ATP11C: variants seen among roughly 807,000 people sequenced by gnomAD.
ATP11C encodes the protein phospholipid-transporting ATPase IG.
ATP11C carries 36 observed loss-of-function variants against 97.4 expected under a neutral mutation model. The observed-to-expected ratio is 0.37, with a 90% confidence interval of 0.28 to 0.49. The LOEUF (loss-of-function observed/expected upper bound fraction) is 0.49, where lower values mean the gene tolerates loss of function less well. Ranked by LOEUF, ATP11C falls within the 20% of genes least tolerant of loss-of-function variation. The probability of loss-of-function intolerance (pLI) is 0.98; values close to 1 mark genes in which losing one functional copy is unlikely to be tolerated. For missense variants in ATP11C, 730 were observed against 824.6 expected (o/e 0.89, Z 1.40); for synonymous variants, 275 against 290.9 (o/e 0.95, Z 0.56).
chrX:139,913,832 A>G (rs1376824875), intron 1 of ATP11C, among the ~76,000 whole-genome samples: 3 of 111,842 alleles, frequency 2.7e-5, no homozygotes, highest in African/African-American at 9.8e-5. Context: ...ATCTCTTCAC[A>G]CGGACGCGAG....
At chrX:139,870,795 G>T (rs1156561174) in intron 1 of ATP11C, among the ~76,000 whole-genome samples, 1 of 112,080 alleles carries the variant, frequency 8.9e-6, no homozygotes, top group South Asian at 3.6e-4. Flanking sequence ...GGTGGCTCAC[G>T]CCTGTAATCC....
chrX:139,749,546 T>C (rs1489119163), intron 24 of ATP11C, among the ~76,000 whole-genome samples: 1 of 111,629 alleles, frequency 9.0e-6, no homozygotes, highest in African/African-American at 3.3e-5. Context: ...GGCTTATGAG[T>C]CCATTATTTT....
At chrX:139,745,417 A>C in intron 25 of ATP11C, among the ~76,000 whole-genome samples, 1 of 111,554 alleles carries the variant, frequency 9.0e-6, no homozygotes. Context: ...AATGGGAAAA[A>C]CCTTTCTCAC....
At chrX:139,797,824 CA>C (rs1245736607) in intron 10 of ATP11C, among the ~76,000 whole-genome samples, 1 of 111,509 alleles carries the variant, frequency 9.0e-6, no homozygotes, top group East Asian at 2.8e-4. Flanking sequence ...AGGTCTATAG[CA>C]GTGGCAACTG....
intron 26 of ATP11C, among the ~76,000 whole-genome samples, chrX:139,742,872 AAAAAATATAT>A (rs1256905497): frequency 6.6e-4 from 16 of 24,216 alleles, no homozygotes; most frequent in African/African-American, 2.0e-3. Flanking sequence ...ATTAAAAAAA[AAAAAATATAT>A]ATATATATAT....
At chrX:139,759,677 T>C (rs1195431755) in intron 22 of ATP11C, among the ~76,000 whole-genome samples, 1 of 111,782 alleles carries the variant, frequency 8.9e-6, no homozygotes, top group Admixed American at 9.5e-5. Context: ...CTCAGCCAAA[T>C]AGAGTTGAAA....
At chrX:139,852,341 C>T (rs2084004879) in intron 1 of ATP11C, among the ~76,000 whole-genome samples, 1 of 103,687 alleles carries the variant, frequency 9.6e-6, no homozygotes, top group African/African-American at 3.5e-5. Context: ...TTACATTCCC[C>T]TCCTGGGGTG....
intron 1 of ATP11C, among the ~76,000 whole-genome samples, chrX:139,838,803 C>A (rs1368521673): frequency 9.0e-6 from 1 of 111,399 alleles, no homozygotes; most frequent in Non-Finnish European, 1.9e-5. Flanking sequence ...CAAAAATTAT[C>A]CAGGCGTGGT....
intron 1 of ATP11C, among the ~76,000 whole-genome samples, chrX:139,910,605 C>CA (rs777274885): frequency 1.7e-3 from 117 of 66,862 alleles, no homozygotes; most frequent in African/African-American, 2.7e-3. Flanking sequence ...GACTCTGTCT[C>CA]AAAAAAAAAA....
intron 1 of ATP11C, among the ~76,000 whole-genome samples, chrX:139,848,717 T>A (rs1243429115): frequency 9.4e-6 from 1 of 106,330 alleles, no homozygotes; most frequent in Non-Finnish European, 2.0e-5. Flanking sequence ...CCCTTACCAG[T>A]CCTCATCTAC....
At position 139,807,702 on chromosome X, in the gene ATP11C, C is replaced by A. The variant is rs1287617012; in HGVS notation, c.427-3103G>T. Among the ~76,000 whole-genome samples the A allele has an allele frequency of 2.7e-5, 3 of 111,418 alleles. 1 individual carries two copies. The highest frequency in any genetic ancestry group is 9.8e-5 in the African/African-American group (3 of 30,613). On this transcript the variant is annotated intron_variant, in intron 5 of 29. Transcript: ENST00000682941. Reference sequence around the variant, plus strand: ...TGGTGGCTCACATCTATATTACCAGCACTCTGGGAGGCCAAGGTGGGAGGA... The same window carrying A: ...TGGTGGCTCACATCTATATTACCAGAACTCTGGGAGGCCAAGGTGGGAGGA...
At chrX:139,759,265 T>A (rs1363592951) in intron 22 of ATP11C, among the ~76,000 whole-genome samples, 1 of 111,677 alleles carries the variant, frequency 9.0e-6, no homozygotes, top group African/African-American at 3.3e-5. Flanking sequence ...CCATGGTGTA[T>A]CCTCAAGCAC....
chrX:139,767,479 A>G (rs2082162404), intron 20 of ATP11C, among the ~76,000 whole-genome samples: 1 of 111,826 alleles, frequency 8.9e-6, no homozygotes, highest in Non-Finnish European at 1.9e-5. Context: ...AACAATATAA[A>G]AGAAAAACCA....
rs1418006884 is a variant in ATP11C at position 139,887,936 on chromosome X, A to G, written c.27+44080T>C. ...CAGTGAGCCGAGATCGCACCACTGC[A>G]CTCCAGCCTGGGCGATAGAGCAAGA... On this transcript the variant is annotated intron_variant, in intron 1 of 29. Coordinates refer to ENST00000682941, the MANE Select transcript of ATP11C (RefSeq NM_001353812.2). Among the ~76,000 whole-genome samples the G allele has an allele frequency of 3.0e-5, 3 of 98,510 alleles. No homozygotes were observed. The South Asian group carries it at 1.5e-3, about 51-fold the overall frequency. The allele number at this position is 98,510 out of a possible 115,157, so 85.5% of individuals were successfully genotyped here.
At chrX:139,934,957 G>A (rs767554331), upstream of ATP11C, among the ~76,000 whole-genome samples, 10 of 111,950 alleles carry the variant, frequency 8.9e-5, no homozygotes, top group Non-Finnish European at 1.9e-4. Context: ...GAATTGGGAG[G>A]TGGAGGAGGT....
intron 1 of ATP11C, among the ~76,000 whole-genome samples, chrX:139,841,548 A>C (rs1341519086): frequency 1.8e-5 from 2 of 112,372 alleles, no homozygotes; most frequent in Non-Finnish European, 3.8e-5. Flanking sequence ...AAAATTCAAC[A>C]TTCAAGAGCT....
At chrX:139,871,044 C>A (rs1472871608) in intron 1 of ATP11C, among the ~76,000 whole-genome samples, 1 of 67,003 alleles carries the variant, frequency 1.5e-5, no homozygotes, top group Non-Finnish European at 2.5e-5. Context: ...ACCTGGGCGA[C>A]AGAGCGAGAC....
intron 5 of ATP11C, among the ~76,000 whole-genome samples, chrX:139,809,835 G>A (rs1253946313): frequency 9.1e-6 from 1 of 110,172 alleles, no homozygotes; most frequent in Non-Finnish European, 1.9e-5. Flanking sequence ...GCATGGTGGC[G>A]CATGCCTGTA....
chrX:139,806,551 G>A (rs1024374483), intron 5 of ATP11C, among the ~76,000 whole-genome samples: 2 of 111,379 alleles, frequency 1.8e-5, no homozygotes, highest in Non-Finnish European at 3.8e-5. Flanking sequence ...TACCATGAAA[G>A]TGGGTAAGAA....
Sources: allele counts gnomAD v4.1 joint callset (sites outside exome capture counted in the v4.1 genomes callset), GRCh38; gene constraint gnomAD v4.1.1; transcripts MANE v1.5; gene names NCBI Gene and HGNC (gene_info 2026-07-23, HGNC 2026-07-21).